Variants in CNTLN observed in about 807,000 individuals in gnomAD.
The protein encoded by CNTLN is centlein, centrosomal protein.
A neutral mutation model predicts 180.0 loss-of-function variants in CNTLN; 212 were observed. The observed-to-expected ratio is 1.18, with a 90% CI of 1.05 to 1.32. The LOEUF is 1.32. CNTLN is among the 40% of genes most tolerant of loss of function. The pLI, the probability that CNTLN is intolerant of heterozygous loss-of-function variation, is 0.00. For synonymous variants in CNTLN, 722 were observed against 563.1 expected, an observed-to-expected ratio of 1.28 and a Z score of -3.99; for missense variants, 2,095 against 1,610.9, an observed-to-expected ratio of 1.30 and a Z score of -5.14.
intron 12 of CNTLN, among the ~76,000 whole-genome samples, chr9:17,359,604 G>A (rs960733753): frequency 1.4e-4 from 21 of 151,026 alleles, no homozygotes; most frequent in African/African-American, 3.9e-4. Context: ...CATCCAGGCC[G>A]AGTGCGGTGG....
chr9:17,428,043 G>A (rs899017598), intron 18 of CNTLN, among the ~76,000 whole-genome samples: 6 of 152,152 alleles, frequency 3.9e-5, no homozygotes, highest in African/African-American at 1.4e-4. Flanking sequence ...ATTACAGAGA[G>A]TGCATTGTAA....
chr9:17,411,243 A>G (rs974003671), intron 16 of CNTLN, among the ~76,000 whole-genome samples: 8 of 152,080 alleles, frequency 5.3e-5, no homozygotes, highest in Admixed American at 1.3e-4. Context: ...AGGTCAGACA[A>G]TACATGCCCT....
chr9:17,413,443 C>T (rs1828000786), intron 16 of CNTLN, among the ~76,000 whole-genome samples: 1 of 151,984 alleles, frequency 6.6e-6, no homozygotes, highest in Non-Finnish European at 1.5e-5. Flanking sequence ...AACTTTTGCT[C>T]CTCAAAAGAC....
the CNTLN span, among the ~76,000 whole-genome samples, chr9:17,518,143 G>A: frequency 6.7e-6 from 1 of 149,672 alleles, no homozygotes; most frequent in African/African-American, 2.5e-5. Flanking sequence ...TGCCTCCTGG[G>A]TTCAAGTGAT....
intron 23 of CNTLN, among the ~76,000 whole-genome samples, chr9:17,480,398 G>A (rs1348135184): frequency 6.6e-6 from 1 of 151,484 alleles, no homozygotes; most frequent in Non-Finnish European, 1.5e-5. Flanking sequence ...AGAATGGATA[G>A]TTTGTGAAGA....
chr9:17,265,486 A>G (rs1429424299), intron 5 of CNTLN, among the ~76,000 whole-genome samples: 2 of 145,854 alleles, frequency 1.4e-5, no homozygotes, highest in African/African-American at 5.3e-5. Flanking sequence ...CATCAAGGAT[A>G]TTGGTCTAAA....
intron 2 of CNTLN, chr9:17,167,610 T>C (rs926334730): frequency 5.9e-5 from 9 of 152,304 alleles, no homozygotes; most frequent in African/African-American, 2.2e-4. Flanking sequence ...TGTTAACAGT[T>C]GTCAGTAAGT....
intron 5 of CNTLN, among the ~76,000 whole-genome samples, chr9:17,244,105 T>G (rs141028752): frequency 0.013 from 2,035 of 152,272 alleles, 48 homozygotes; most frequent in African/African-American, 0.047. Flanking sequence ...CTATTTTGTC[T>G]GATGGAGGTA....
At chr9:17,293,063 C>A (rs1025450494) in intron 6 of CNTLN, among the ~76,000 whole-genome samples, 1 of 152,162 alleles carries the variant, frequency 6.6e-6, no homozygotes, top group Non-Finnish European at 1.5e-5. Context: ...CACTCCAGAC[C>A]CTATTCACTT....
intron 5 of CNTLN, among the ~76,000 whole-genome samples, chr9:17,237,185 TA>T (rs1406771168): frequency 6.6e-6 from 1 of 152,104 alleles, no homozygotes; most frequent in Non-Finnish European, 1.5e-5. Flanking sequence ...ATTTTATTAG[TA>T]TTTTTCAAAA....
intron 2 of CNTLN, among the ~76,000 whole-genome samples, chr9:17,153,737 C>G (rs193109733): frequency 1.1e-3 from 174 of 152,268 alleles, no homozygotes; most frequent in Admixed American, 2.4e-3. Flanking sequence ...TGGATAATAT[C>G]CTGAAGAGTG....
At chr9:17,279,300 T>G (rs1466608711) in intron 6 of CNTLN, among the ~76,000 whole-genome samples, 1 of 152,172 alleles carries the variant, frequency 6.6e-6, no homozygotes, top group Non-Finnish European at 1.5e-5. Flanking sequence ...CACTAAACTT[T>G]TTTACTCTTG....
chr9:17,400,341 G>C (rs1826874092), intron 15 of CNTLN, among the ~76,000 whole-genome samples: 1 of 152,128 alleles, frequency 6.6e-6, no homozygotes, highest in East Asian at 1.9e-4. Context: ...GTTTCACCAT[G>C]TTGGCCAGGC....
At chr9:17,338,342 T>TTG (rs1024541686) in intron 10 of CNTLN, among the ~76,000 whole-genome samples, 1 of 143,846 alleles carries the variant, frequency 7.0e-6, no homozygotes, top group Non-Finnish European at 1.5e-5. Context: ...TTTTTGTTTT[T>TTG]TTTTTTTTTT....
At chr9:17,493,055 G>T (rs1470508828) in intron 25 of CNTLN, among the ~76,000 whole-genome samples, 1 of 152,106 alleles carries the variant, frequency 6.6e-6, no homozygotes, top group Non-Finnish European at 1.5e-5. Context: ...TAGAATGGTG[G>T]TTGTCAAGGG....
intron 12 of CNTLN, among the ~76,000 whole-genome samples, 159 bp from the exon 13 acceptor site, chr9:17,366,458 A>G (rs1823827046): frequency 6.6e-6 from 1 of 152,060 alleles, no homozygotes; most frequent in African/African-American, 2.4e-5. Context: ...AATATTATTG[A>G]TTTATTTTTG....
chr9:17,412,839 C>T (rs936856576), intron 16 of CNTLN, among the ~76,000 whole-genome samples: 2 of 152,034 alleles, frequency 1.3e-5, no homozygotes, highest in South Asian at 4.1e-4. Flanking sequence ...CAAAATGCTT[C>T]AACAAGCAAT....
intron 3 of CNTLN, among the ~76,000 whole-genome samples, chr9:17,227,882 A>G (rs1381989080): frequency 6.6e-6 from 1 of 152,102 alleles, no homozygotes; most frequent in African/African-American, 2.4e-5. Flanking sequence ...ATCAAACAAC[A>G]TTAAAATGTA....
chr9:17,265,874 C>T (rs192640653), intron 5 of CNTLN, among the ~76,000 whole-genome samples: 49 of 152,160 alleles, frequency 3.2e-4, no homozygotes, highest in Admixed American at 2.3e-3. Context: ...TCTGTGGGAT[C>T]GGTGGTGATA....
Sources: gnomAD v4.1 joint callset for allele counts (sites outside exome capture counted in the v4.1 genomes callset) on GRCh38, gnomAD v4.1.1 for gene constraint, MANE v1.5 for transcripts, NCBI Gene and HGNC (gene_info 2026-07-23, HGNC 2026-07-21) for gene names.